Variants in TSC22D1 observed in about 807,000 individuals in gnomAD.
TSC22D1 encodes TSC22 domain family protein 1.
Under a neutral mutation model 74.2 loss-of-function variants are expected in TSC22D1, and 9 were observed. The observed-to-expected ratio is 0.12, with a 90% CI of 0.07 to 0.21. TSC22D1 has a LOEUF of 0.21. Among genes scored for constraint, TSC22D1 ranks in the 10% least tolerant of loss-of-function variants. The pLI is 1.00. For synonymous variants in TSC22D1, 586 were observed against 492.5 expected, an observed-to-expected ratio of 1.19 and a Z score of -2.51; for missense variants, 1,427 against 1,304.7, an observed-to-expected ratio of 1.09 and a Z score of -1.44.
chr13:44,506,844 G>A (rs1315014901), intron 1 of TSC22D1, among the ~76,000 whole-genome samples: 1 of 152,166 alleles, frequency 6.6e-6, no homozygotes, highest in Non-Finnish European at 1.5e-5. Flanking sequence ...AATGGGGATA[G>A]AGAGGAGAAG....
At chr13:44,571,507 C>G (rs902601179) in intron 1 of TSC22D1, among the ~76,000 whole-genome samples, 1 of 152,098 alleles carries the variant, frequency 6.6e-6, no homozygotes, top group Non-Finnish European at 1.5e-5. Context: ...AAAATCATGG[C>G]AAGTTTGAAT....
Position 44,509,798 on chromosome 13 carries a change from T to C in TSC22D1, c.2912+63365A>G, listed in dbSNP as rs1468598354. ...CTAAGAAAGATACCTTCTAAATCTA[T>C]TAAATTGAAGATGCAGTAAGAATAT... On this transcript the variant is annotated intron_variant, in intron 1 of 2. Coordinates refer to ENST00000458659, the MANE Select transcript of TSC22D1 (RefSeq NM_183422.4). Among the ~76,000 whole-genome samples, 4 of 152,028 alleles carry C rather than the reference T, an allele frequency of 2.6e-5. No homozygotes were observed. In the East Asian group the frequency reaches 7.7e-4, roughly 29 times the overall value.
intron 1 of TSC22D1, among the ~76,000 whole-genome samples, chr13:44,515,842 GA>G (rs1879955017): frequency 6.6e-6 from 1 of 152,170 alleles, no homozygotes; most frequent in South Asian, 2.1e-4. Context: ...AGTATTTGGT[GA>G]ATTTAAAACA....
chr13:44,449,404 G>T (rs765316365), intron 1 of TSC22D1, among the ~76,000 whole-genome samples: 23 of 152,366 alleles, frequency 1.5e-4, no homozygotes, highest in East Asian at 1.9e-4. Flanking sequence ...CTCAAGAGCT[G>T]TGAGAAGACG....
At position 44,434,702 on chromosome 13, in the gene TSC22D1, G is replaced by T; in HGVS notation, c.3146C>A (p.Pro1049His). The change falls in exon 3 of 3, where the codon CCT becomes CAT. Residue 1049 changes from proline to histidine, a missense_variant. Pro to His is a moderately conservative substitution (Grantham distance 77, BLOSUM62 -2). This residue lies in a region of TSC22D1 where 63 missense variants were observed against 50.5 expected (regional missense o/e 1.25). Coordinates refer to ENST00000458659, the MANE Select transcript of TSC22D1 (RefSeq NM_183422.4). Reference protein sequence around the residue: ...FQAQLQTGSPPATTQPQGTTQ... With the variant: ...FQAQLQTGSPHATTQPQGTTQ... The stretch of plus-strand genomic sequence containing the variant: ...GGTGCCCTGTGGCTGGGTGGTGGCA[G>T]GGGGGGAGCCAGTCTGCAGCTGGGC... 1 of 1,606,906 alleles carries T rather than the reference G, an allele frequency of 6.2e-7. No individual in the cohort carries two copies. The highest frequency in any genetic ancestry group is 8.5e-7 in the Non-Finnish European group (1 of 1,176,948).
At chr13:44,483,829 T>C (rs1039967495) in intron 1 of TSC22D1, among the ~76,000 whole-genome samples, 10 of 152,204 alleles carry the variant, frequency 6.6e-5, no homozygotes, top group Non-Finnish European at 8.8e-5. Flanking sequence ...GAATATGCCA[T>C]TGGGAAAAAT....
At chr13:44,505,491 C>T (rs1044806391) in intron 1 of TSC22D1, among the ~76,000 whole-genome samples, 3 of 152,064 alleles carry the variant, frequency 2.0e-5, no homozygotes, top group African/African-American at 7.2e-5. Context: ...GAGGTTGAGG[C>T]TGCAGTAAGC....
intron 1 of TSC22D1, among the ~76,000 whole-genome samples, chr13:44,522,223 A>G (rs1227900643): frequency 6.6e-6 from 1 of 152,172 alleles, no homozygotes; most frequent in African/African-American, 2.4e-5. Flanking sequence ...ACATTCAGAG[A>G]CTAAATGAGC....
chr13:44,456,292 C>A (rs1465316523), intron 1 of TSC22D1, among the ~76,000 whole-genome samples: 2 of 152,164 alleles, frequency 1.3e-5, no homozygotes, highest in African/African-American at 4.8e-5. Context: ...GCTTTTATTC[C>A]CTTATTTGGC....
intron 1 of TSC22D1, among the ~76,000 whole-genome samples, chr13:44,441,736 T>G (rs1489787437): frequency 1.3e-5 from 2 of 152,202 alleles, no homozygotes; most frequent in African/African-American, 4.8e-5. Context: ...TCTATTTGCT[T>G]TTTGGGTATG....
At chr13:44,509,950 C>CAAAAAAAAAAAAAAAAAAAA in intron 1 of TSC22D1, among the ~76,000 whole-genome samples, 43 of 51,420 alleles carry the variant, frequency 8.4e-4, no homozygotes, top group East Asian at 1.1e-3. Flanking sequence ...AGAAAATAAG[C>CAAAAAAAAAAAAAAAAAAAA]AAAAAAAAAA....
intron 1 of TSC22D1, among the ~76,000 whole-genome samples, chr13:44,553,461 T>C (rs749237704): frequency 2.6e-5 from 4 of 152,208 alleles, no homozygotes; most frequent in Non-Finnish European, 5.9e-5. Context: ...TATTGACTTA[T>C]AATCTTACTT....
rs779440319 is a variant in TSC22D1, at chr13:44,575,195, G to A, written c.880C>T (p.Arg294Cys). Residue 294 changes from arginine to cysteine, a missense_variant, in exon 1 of 3, where the codon CGT (arginine) becomes TGT (cysteine). This residue lies in a region of TSC22D1 where 1,343 missense variants were observed against 1,191.5 expected (regional missense o/e 1.13). Coordinates refer to ENST00000458659, the MANE Select transcript of TSC22D1 (RefSeq NM_183422.4). ...ATTCCACCTGTAGTACTTGGAGCACGCATATTAGTCATTACAGATGCAGGT... is the reference window on the plus strand; with the variant it reads ...ATTCCACCTGTAGTACTTGGAGCACACATATTAGTCATTACAGATGCAGGT... The part of the protein sequence containing the change: ...GSPASVMTNM[R>C]APSTTGGIGI... 20 of 1,613,912 alleles carry A rather than the reference G, an allele frequency of 1.2e-5. No individual in the cohort carries two copies. Among genetic ancestry groups the A allele is most frequent in the Admixed American group, 3.3e-5 (2 of 60,008 alleles).
At chr13:44,476,393 A>G (rs1833217276) in intron 1 of TSC22D1, among the ~76,000 whole-genome samples, 1 of 152,170 alleles carries the variant, frequency 6.6e-6, no homozygotes, top group African/African-American at 2.4e-5. Context: ...CTTGAAATAA[A>G]CAGAATAATG....
rs1875407063 is a variant in TSC22D1 at position 44,443,960 on chromosome 13, T to C, written c.2913-7865A>G. On this transcript the variant is annotated intron_variant, in intron 1 of 2. Transcript: ENST00000458659. ...AATAAAGAATAGAATAAAAAATGAA[T>C]ACCAAGATAGCAGATTTAAACCAAC... is the stretch of plus-strand genomic sequence containing the variant. 2.0e-5 allele frequency among the ~76,000 whole-genome samples: 3 copies of C among 152,102 alleles called. No individual in the cohort carries two copies. The South Asian group carries it at 6.2e-4, about 32-fold the overall frequency.
At chr13:44,470,619 G>A (rs902785492) in intron 1 of TSC22D1, among the ~76,000 whole-genome samples, 5 of 152,124 alleles carry the variant, frequency 3.3e-5, no homozygotes, top group African/African-American at 9.7e-5. Context: ...GGTGTTTGAA[G>A]AAGAAATTTT....
At position 44,576,156 on chromosome 13, in the gene TSC22D1, G is replaced by A. The variant is rs919478673; in HGVS notation, c.-82C>T. ...TCTTTGTATTGGAGACGCCGGAGAG[G>A]AAAACGGGACCTGACGCTCCGCCTG... On this transcript the variant is annotated 5_prime_UTR_variant, in exon 1 of 3. Coordinates refer to ENST00000458659, the MANE Select transcript of TSC22D1 (RefSeq NM_183422.4). The A allele has an allele frequency of 1.4e-6, 2 of 1,386,242 alleles. No homozygotes were observed. The highest frequency in any genetic ancestry group is 2.9e-5 in the African/African-American group (2 of 67,810). 85.9% of individuals were successfully genotyped at this position (1,386,242 alleles called of 1,614,324 possible). A position where few individuals can be genotyped will look rare whatever the true frequency, so the allele number is the denominator to read the frequency against.
intron 1 of TSC22D1, among the ~76,000 whole-genome samples, chr13:44,571,902 A>T (rs979744426): frequency 1.3e-5 from 2 of 152,156 alleles, no homozygotes; most frequent in Non-Finnish European, 2.9e-5. Flanking sequence ...TTAAACAACT[A>T]AATAACACAA....
At chr13:44,549,255 A>T (rs898137660) in intron 1 of TSC22D1, among the ~76,000 whole-genome samples, 1 of 152,230 alleles carries the variant, frequency 6.6e-6, no homozygotes, top group Non-Finnish European at 1.5e-5. Flanking sequence ...GAAGCAATCA[A>T]CATTTTAGTT....
Sources: allele counts gnomAD v4.1 joint callset (sites outside exome capture counted in the v4.1 genomes callset), GRCh38; gene constraint gnomAD v4.1.1; regional missense constraint gnomAD v4.1.1; transcripts MANE v1.5; gene names NCBI Gene and HGNC (gene_info 2026-07-23, HGNC 2026-07-21).